Variants in ACOXL observed in about 807,000 individuals in gnomAD.
The protein encoded by ACOXL is acyl-CoA oxidase like.
Under a neutral mutation model 71.9 loss-of-function variants are expected in ACOXL, and 70 were observed. The ratio of observed to expected loss-of-function variants is 0.97; its 90% CI spans 0.80 to 1.19. The LOEUF is 1.19. Ranked by LOEUF, ACOXL falls within the 50% of genes most tolerant of loss-of-function variation. The pLI is 0.00. For synonymous variants in ACOXL, 253 were observed against 281.6 expected, an observed-to-expected ratio of 0.90 and a Z score of 1.02; for missense variants, 703 against 736.3, an observed-to-expected ratio of 0.95 and a Z score of 0.52.
intron 3 of ACOXL, among the ~76,000 whole-genome samples, chr2:110,789,894 C>T (rs1034960633): frequency 1.1e-4 from 16 of 152,220 alleles, no homozygotes; most frequent in African/African-American, 2.7e-4. Flanking sequence ...CTATTGCAGC[C>T]GGGGAGCCGG....
rs1032194484 is a variant in ACOXL, at chr2:110,735,683, C to T, written c.-23+2909C>T. Among the ~76,000 whole-genome samples the T allele has an allele frequency of 4.6e-5, 7 of 152,178 alleles. No homozygotes were observed. The South Asian group carries it at 6.2e-4, about 14-fold the overall frequency. On this transcript the variant is annotated intron_variant, in intron 1 of 17. Coordinates refer to ENST00000439055, the MANE Select transcript of ACOXL (RefSeq NM_001142807.4). ...CCTGCTGGGCTAAGTCCTCAGACTC[C>T]GGGAGCATCCTGGCTGCTGTGCCCG... is the stretch of plus-strand genomic sequence containing the variant.
At chr2:110,902,981 A>G (rs2059299036) in intron 10 of ACOXL, among the ~76,000 whole-genome samples, 1 of 152,220 alleles carries the variant, frequency 6.6e-6, no homozygotes, top group Non-Finnish European at 1.5e-5. Flanking sequence ...CTGAGCTTTT[A>G]TCTACAGAGG....
At chr2:111,056,244 A>C (rs779631568) in intron 16 of ACOXL, among the ~76,000 whole-genome samples, 22 of 151,394 alleles carry the variant, frequency 1.5e-4, no homozygotes, top group Non-Finnish European at 3.1e-4. Context: ...GTGACATAGA[A>C]ATCAGGTTTC....
At position 110,872,077 on chromosome 2, in the gene ACOXL, A is replaced by G. The variant is rs149478444; in HGVS notation, c.788+30672A>G. On this transcript the variant is annotated intron_variant, in intron 10 of 17. Transcript: ENST00000439055. ...AAGCTGCATGGCAGCTGGGAGCTCA[A>G]CTGAGGCTGAAACATCTGAGTTGAC... 2.6e-4 allele frequency among the ~76,000 whole-genome samples: 40 copies of G among 152,366 alleles called. No homozygotes were observed. In the East Asian group the frequency reaches 6.4e-3, roughly 24 times the overall value.
chr2:111,102,365 C>T (rs779868532), intron 17 of ACOXL, among the ~76,000 whole-genome samples: 69 of 152,238 alleles, frequency 4.5e-4, no homozygotes, highest in Non-Finnish European at 8.4e-4. Context: ...CTATGCCTCA[C>T]AGTACAGCTT....
At chr2:111,070,080 C>T (rs1558936327) in intron 16 of ACOXL, among the ~76,000 whole-genome samples, 1 of 152,092 alleles carries the variant, frequency 6.6e-6, no homozygotes, top group South Asian at 2.1e-4. Flanking sequence ...GCGTATTCAG[C>T]ATGCCAGTAA....
chr2:110,922,361 T>A (rs766409417), intron 11 of ACOXL, among the ~76,000 whole-genome samples: 1 of 152,246 alleles, frequency 6.6e-6, no homozygotes, highest in Non-Finnish European at 1.5e-5. Context: ...CGGAAAATTT[T>A]TCATATGCAT....
chr2:111,028,104 G>A (rs534601428), intron 14 of ACOXL, among the ~76,000 whole-genome samples: 1 of 151,882 alleles, frequency 6.6e-6, no homozygotes, highest in African/African-American at 2.4e-5. Context: ...TGGGAGGATT[G>A]CAAGAACCCA....
At chr2:110,771,143 C>T (rs201397262) in intron 2 of ACOXL, among the ~76,000 whole-genome samples, 2 of 152,162 alleles carry the variant, frequency 1.3e-5, no homozygotes, top group African/African-American at 4.8e-5. Flanking sequence ...TATGAATTCA[C>T]AAAAGCCAAT....
At chr2:110,820,244 C>T (rs944741896) in intron 9 of ACOXL, among the ~76,000 whole-genome samples, 1 of 151,978 alleles carries the variant, frequency 6.6e-6, no homozygotes, top group Non-Finnish European at 1.5e-5. Flanking sequence ...GTGGGAGGAA[C>T]AACAGGAGCA....
intron 10 of ACOXL, among the ~76,000 whole-genome samples, chr2:110,907,183 G>A (rs945810349): frequency 1.3e-5 from 2 of 152,166 alleles, no homozygotes; most frequent in African/African-American, 4.8e-5. Flanking sequence ...GCTGACAGCC[G>A]CCACCTTGCT....
chr2:110,745,929 A>G (rs957260659), intron 1 of ACOXL, among the ~76,000 whole-genome samples: 2 of 152,152 alleles, frequency 1.3e-5, no homozygotes, highest in Admixed American at 1.3e-4. Context: ...CTTTTCCTGC[A>G]AGGGGACTGG....
intron 16 of ACOXL, among the ~76,000 whole-genome samples, chr2:111,082,254 T>A (rs1251921742): frequency 6.6e-6 from 1 of 150,934 alleles, no homozygotes; most frequent in Non-Finnish European, 1.5e-5. Flanking sequence ...TGGGAGAAAA[T>A]TTTTGCAACC....
intron 10 of ACOXL, among the ~76,000 whole-genome samples, chr2:110,896,202 ATAGT>A (rs570268132): frequency 7.9e-4 from 121 of 152,272 alleles, no homozygotes; most frequent in African/African-American, 2.6e-3. Flanking sequence ...TAACATTGTA[ATAGT>A]TAGAGCAACC....
intron 10 of ACOXL, among the ~76,000 whole-genome samples, chr2:110,893,433 T>A (rs75567103): frequency 0.011 from 1,639 of 152,240 alleles, 36 homozygotes; most frequent in African/African-American, 0.038. Flanking sequence ...ATTAGCAAAG[T>A]CATTTGAAAG....
At chr2:110,993,589 G>A (rs2063270281) in intron 13 of ACOXL, among the ~76,000 whole-genome samples, 1 of 152,198 alleles carries the variant, frequency 6.6e-6, no homozygotes. Flanking sequence ...ACCGCTATGA[G>A]CATTCTTGTA....
At chr2:111,090,208 A>G (rs1574730169) in intron 16 of ACOXL, among the ~76,000 whole-genome samples, 1 of 152,160 alleles carries the variant, frequency 6.6e-6, no homozygotes, top group Non-Finnish European at 1.5e-5. Flanking sequence ...GCATATAAAG[A>G]TGAGCAGGAC....
intron 10 of ACOXL, among the ~76,000 whole-genome samples, chr2:110,878,149 A>T (rs1051273129): frequency 6.6e-6 from 1 of 152,250 alleles, no homozygotes; most frequent in Non-Finnish European, 1.5e-5. Context: ...TTTTATGAAC[A>T]GTTTCAGTTT....
At chr2:110,877,308 G>T (rs17525434) in intron 10 of ACOXL, among the ~76,000 whole-genome samples, 5,957 of 152,262 alleles carry the variant, frequency 0.039, 215 homozygotes, top group Non-Finnish European at 0.052. Flanking sequence ...AGGCAGCAGG[G>T]CGTCTCTAGT....
Sources: allele counts gnomAD v4.1 joint callset (sites outside exome capture counted in the v4.1 genomes callset), GRCh38; gene constraint gnomAD v4.1.1; transcripts MANE v1.5; gene names NCBI Gene and HGNC (gene_info 2026-07-23, HGNC 2026-07-21).